Variants in RAB27B observed in about 807,000 individuals in gnomAD.
RAB27B encodes the protein ras-related protein Rab-27B.
Under a neutral mutation model 24.6 loss-of-function variants are expected in RAB27B, and 15 were observed. The observed-to-expected ratio is 0.61, with a 90% CI of 0.41 to 0.94. The LOEUF is 0.94. RAB27B is among the 40% of genes least tolerant of loss of function. RAB27B has a pLI of 0.00. For missense variants in RAB27B, 261 were observed against 266.8 expected (o/e 0.98, Z 0.15); for synonymous variants, 105 against 92.5 (o/e 1.14, Z -0.78).
chr18:54,830,843 G>A (rs2145183044), intron 1 of RAB27B, among the ~76,000 whole-genome samples: 1 of 152,236 alleles, frequency 6.6e-6, no homozygotes, highest in South Asian at 2.1e-4. Flanking sequence ...TTGCCAATAA[G>A]GAGAGTAACA....
chr18:54,884,215 G>T, intron 3 of RAB27B, 118 bp from the exon 4 acceptor site: 1 of 613,554 alleles, frequency 1.6e-6, no homozygotes. Context: ...ATTTCCCTAA[G>T]ATATTCCATA....
intron 2 of RAB27B, among the ~76,000 whole-genome samples, chr18:54,763,977 A>T (rs1908279074): frequency 6.6e-6 from 1 of 152,164 alleles, no homozygotes; most frequent in Non-Finnish European, 1.5e-5. Flanking sequence ...CCTCTAATCA[A>T]GCCATCTCTC....
chr18:54,793,341 C>T lies in RAB27B; in HGVS notation c.-20+75200C>T, dbSNP rs79108121. Among the ~76,000 whole-genome samples the T allele has an allele frequency of 1.5e-3, 233 of 152,324 alleles. 4 individuals are homozygous for T. Among genetic ancestry groups the T allele is most frequent in the African/African-American group, 5.5e-3 (229 of 41,570 alleles). ...CTTAGGGAAAAGCCATTTGATCTCA[C>T]ACCTTCTCATTTCCTCCTCTGATAA... On this transcript the variant is annotated intron_variant, in intron 2 of 4. Coordinates refer to the RAB27B transcript ENST00000586570.
intron 1 of RAB27B, among the ~76,000 whole-genome samples, chr18:54,871,849 CAAAAAAAAA>C (rs11388519): frequency 1.2e-5 from 1 of 85,980 alleles, no homozygotes; most frequent in Non-Finnish European, 2.3e-5. Flanking sequence ...GACTCCATCT[CAAAAAAAAA>C]AAAAAAAAAA....
intron 1 of RAB27B, among the ~76,000 whole-genome samples, chr18:54,860,820 C>T (rs1192190537): frequency 1.3e-5 from 2 of 152,142 alleles, no homozygotes; most frequent in Non-Finnish European, 2.9e-5. Context: ...AAACAAGCAC[C>T]TTCTTTGGAC....
intron 2 of RAB27B, among the ~76,000 whole-genome samples, chr18:54,721,282 G>A (rs1473372238): frequency 6.6e-6 from 1 of 152,094 alleles, no homozygotes; most frequent in East Asian, 1.9e-4. Flanking sequence ...GTCCCTCCTG[G>A]TTGACACAAC....
intron 1 of RAB27B, among the ~76,000 whole-genome samples, chr18:54,866,469 T>C (rs958690366): frequency 3.9e-5 from 6 of 152,218 alleles, no homozygotes; most frequent in African/African-American, 1.2e-4. Flanking sequence ...CTAATTTTTC[T>C]GTATTTCCAG....
chr18:54,759,378 T>C (rs1908108356), intron 2 of RAB27B, among the ~76,000 whole-genome samples: 2 of 152,226 alleles, frequency 1.3e-5, no homozygotes, highest in Admixed American at 6.5e-5. Context: ...ATCTCTTTAA[T>C]TGAGACTGTC....
chr18:54,824,232 G>C (rs566208686), upstream of RAB27B, among the ~76,000 whole-genome samples: 1 of 152,104 alleles, frequency 6.6e-6, no homozygotes, highest in Non-Finnish European at 1.5e-5. Flanking sequence ...CTATCATAAT[G>C]TTTCTTTTTT....
chr18:54,753,693 G>A (rs1907909494), intron 2 of RAB27B, among the ~76,000 whole-genome samples: 1 of 152,086 alleles, frequency 6.6e-6, no homozygotes, highest in Non-Finnish European at 1.5e-5. Context: ...GCTTTCACAG[G>A]TGCATTTAAT....
chr18:54,797,098 G>A (rs1019676359), intron 2 of RAB27B, among the ~76,000 whole-genome samples: 2 of 152,186 alleles, frequency 1.3e-5, no homozygotes, highest in African/African-American at 4.8e-5. Context: ...TTCTAGTCCT[G>A]TGTAAGTGGG....
At chr18:54,760,074 G>C (rs747289586) in intron 2 of RAB27B, among the ~76,000 whole-genome samples, 7 of 151,950 alleles carry the variant, frequency 4.6e-5, no homozygotes, top group Non-Finnish European at 7.4e-5. Flanking sequence ...AGAGCACACT[G>C]TAACACACAC....
At chr18:54,819,803 A>T (rs1221250085) in intron 2 of RAB27B, among the ~76,000 whole-genome samples, 2 of 122,040 alleles carry the variant, frequency 1.6e-5, no homozygotes, top group Non-Finnish European at 3.2e-5. Context: ...CCCGTGTGTG[A>T]TGTTCCCCTT....
At chr18:54,849,146 A>C (rs1030183149) in intron 1 of RAB27B, among the ~76,000 whole-genome samples, 1 of 152,118 alleles carries the variant, frequency 6.6e-6, no homozygotes. Flanking sequence ...TGGGGAATTC[A>C]GGGCCTGCCT....
At chr18:54,763,116 A>G (rs1359334547) in intron 2 of RAB27B, among the ~76,000 whole-genome samples, 2 of 152,196 alleles carry the variant, frequency 1.3e-5, no homozygotes, top group Non-Finnish European at 2.9e-5. Flanking sequence ...GAAGGCAAGG[A>G]AAACTTTCAG....
At chr18:54,868,290 A>G (rs1485681995) in intron 1 of RAB27B, among the ~76,000 whole-genome samples, 1 of 152,008 alleles carries the variant, frequency 6.6e-6, no homozygotes, top group Non-Finnish European at 1.5e-5. Context: ...CACTTTAGCT[A>G]TCTCGCTTGC....
At chr18:54,803,772 A>G (rs1217819596) in intron 2 of RAB27B, among the ~76,000 whole-genome samples, 5 of 152,186 alleles carry the variant, frequency 3.3e-5, no homozygotes, top group African/African-American at 1.2e-4. Context: ...TTTGGACTTA[A>G]GCAACTGGGG....
intron 1 of RAB27B, among the ~76,000 whole-genome samples, chr18:54,871,647 G>A (rs1360202452): frequency 2.0e-5 from 3 of 151,876 alleles, no homozygotes; most frequent in Non-Finnish European, 4.4e-5. Flanking sequence ...TCAGGAGATC[G>A]AGACCATCCT....
At chr18:54,881,841 A>G (rs938530830) in intron 3 of RAB27B, among the ~76,000 whole-genome samples, 2 of 152,182 alleles carry the variant, frequency 1.3e-5, no homozygotes, top group East Asian at 1.9e-4. Context: ...CCCCAAACAG[A>G]TCACTACAGC....
Sources: allele counts gnomAD v4.1 joint callset (sites outside exome capture counted in the v4.1 genomes callset), GRCh38; gene constraint gnomAD v4.1.1; transcripts MANE v1.5; gene names NCBI Gene and HGNC (gene_info 2026-07-23, HGNC 2026-07-21).